Variants in ELMO3 observed in about 807,000 individuals in gnomAD.
ELMO3 encodes engulfment and cell motility protein 3.
In ELMO3, 81 loss-of-function variants were observed where a neutral mutation model predicts 89.0. The observed-to-expected ratio is 0.91, with a 90% CI of 0.76 to 1.09. ELMO3 has a LOEUF of 1.09. Among genes scored for constraint, ELMO3 ranks in the 50% least tolerant of loss-of-function variants. ELMO3 has a pLI of 0.00. For synonymous variants in ELMO3, 406 were observed against 400.6 expected (o/e 1.01, Z -0.16); for missense variants, 959 against 972.8 (o/e 0.99, Z 0.19).
intron 4 of ELMO3, 48 bp downstream of exon 4, chr16:67,200,049 A>G (rs1366440298): frequency 6.3e-7 from 1 of 1,594,118 alleles, no homozygotes; most frequent in Non-Finnish European, 8.5e-7. Context: ...CCTTTGCTCC[A>G]GGTCCAGAGG....
intron 8 of ELMO3, among the ~76,000 whole-genome samples, 168 bp from the exon 9 acceptor site, chr16:67,201,212 ATTTTT>A (rs753596419): frequency 1.1e-5 from 1 of 94,262 alleles, no homozygotes; most frequent in Non-Finnish European, 2.0e-5. Context: ...CGCCCAGCTG[ATTTTT>A]TTTTTTTTTT....
intron 3 of ELMO3, 82 bp downstream of exon 3, chr16:67,199,838 C>T (rs2033056946): frequency 6.2e-7 from 1 of 1,603,260 alleles, no homozygotes; most frequent in South Asian, 1.1e-5. Context: ...GCTCTTCATC[C>T]CACTACCGGA....
chr16:67,203,025 A>T lies in ELMO3; in HGVS notation c.1675+21A>T, dbSNP rs994071133. On this transcript the variant is annotated intron_variant, in intron 16 of 19. Coordinates refer to ENST00000393997, the MANE Select transcript of ELMO3 (RefSeq NM_024712.5). The surrounding 1 kb of genome is among the most constrained non-coding windows in gnomAD (Gnocchi z 4.6). ...CCAGGGTCTCTGAATGGGCATGGGCAGGGGGCAGAGGGCAGGCAGAGGGCA... is the reference window on the plus strand; with the variant it reads ...CCAGGGTCTCTGAATGGGCATGGGCTGGGGGCAGAGGGCAGGCAGAGGGCA... The T allele has an allele frequency of 3.7e-6, 6 of 1,603,312 alleles. No individual in the cohort carries two copies. The African/African-American group carries it at 8.0e-5, about 21-fold the overall frequency.
chr16:67,199,503 C>T, intron 1 of ELMO3, 50 bp from the exon 2 acceptor site: 1 of 1,566,062 alleles, frequency 6.4e-7, no homozygotes, highest in East Asian at 2.3e-5. Flanking sequence ...CCCCAGGCTC[C>T]TCCCCATCCC....
chr16:67,199,317 C>T lies in ELMO3; in HGVS notation c.-10C>T. ...CCGGAAAGTGCAGGCGCCCACGTCCCAGCTGGACCATGGCGCCTCCGCGGA... is the reference window on the plus strand; with the variant it reads ...CCGGAAAGTGCAGGCGCCCACGTCCTAGCTGGACCATGGCGCCTCCGCGGA... On this transcript the variant is annotated 5_prime_UTR_variant, in exon 1 of 20. Coordinates refer to ENST00000393997, the MANE Select transcript of ELMO3 (RefSeq NM_024712.5). 1 of 1,612,344 alleles carries T rather than the reference C, an allele frequency of 6.2e-7. No homozygotes were observed. The highest frequency in any genetic ancestry group is 8.5e-7 in the Non-Finnish European group (1 of 1,179,854).
Position 67,200,540 on chromosome 16 carries a change from TTG to T in ELMO3, c.506_507del (p.Val169GlufsTer46). ...TCCTGGGAGACTCTGAGCATCCCCTTTGTGAGGAAGGTGGGTGGGCTTTCCTA... is the reference window on the plus strand; with the variant it reads ...TCCTGGGAGACTCTGAGCATCCCCTTTGAGGAAGGTGGGTGGGCTTTCCTA... On this transcript the variant is annotated frameshift_variant, in exon 6 of 20. Coordinates refer to ENST00000393997, the MANE Select transcript of ELMO3 (RefSeq NM_024712.5). LOFTEE classifies it high-confidence loss of function. 1 of 1,613,246 alleles carries T rather than the reference TTG, an allele frequency of 6.2e-7. No homozygotes were observed. Among genetic ancestry groups the T allele is most frequent in the South Asian group, 1.1e-5 (1 of 91,050 alleles).
Position 67,200,948 on chromosome 16 carries a change from G to T in ELMO3, c.724G>T (p.Ala242Ser). Residue 242 changes from alanine (A) to serine (S), a missense_variant, in exon 8 of 20, where the codon GCC (alanine) becomes TCC (serine). Transcript: ENST00000393997. ...CCTGCTGACAGCCTTGCTGCAGGGG[G>T]CCAGCCCTGTGGAACGCAAGGTGAG... ...MALLTALLQG[A>S]SPVERKHMLD... 6.2e-7 allele frequency: 1 copy of T among 1,609,302 alleles called. No individual in the cohort carries two copies. Among genetic ancestry groups the T allele is most frequent in the Non-Finnish European group, 8.5e-7 (1 of 1,178,732 alleles).
rs367920873 is a variant in ELMO3, at chr16:67,202,006, C to G, written c.1080C>G (p.Arg360=). 1 of 1,588,322 alleles carries G rather than the reference C, an allele frequency of 6.3e-7. No individual in the cohort carries two copies. ...GCAACCCAGCACAGGACCTGGAGCG[C>G]GTGCCCCCCGGTCTGCTGGCCCTGG... The part of the protein sequence containing the change: ...SNSNPAQDLE[R]VPPGLLALDN... Residue 360 remains arginine (R), a synonymous_variant, in exon 12 of 20, where the codon CGC becomes CGG. Coordinates refer to ENST00000393997, the MANE Select transcript of ELMO3 (RefSeq NM_024712.5).
rs760025178 is a variant in ELMO3 at position 67,201,662 on chromosome 16, A to G, written c.918+20A>G. On this transcript the variant is annotated intron_variant, in intron 10 of 19. Transcript: ENST00000393997. ...AGCCAGGTGTGTGTCTTTGGTGAGG[A>G]CAAGGCAGGGGGTGGCTTAGAGCTT... is the stretch of plus-strand genomic sequence containing the variant. The G allele has an allele frequency of 5.6e-6, 9 of 1,610,552 alleles. No individual in the cohort carries two copies. The African/African-American group carries it at 9.3e-5, about 17-fold the overall frequency.
At position 67,199,725 on chromosome 16, in the gene ELMO3, C is replaced by A. The variant is rs762228993; in HGVS notation, c.161C>A (p.Ala54Glu). 1 of 1,611,022 alleles carries A rather than the reference C, an allele frequency of 6.2e-7. No homozygotes were observed. Among genetic ancestry groups the A allele is most frequent in the South Asian group, 1.1e-5 (1 of 90,938 alleles). ...TCTGAGCGTTACGCCCTGCAGTTTG[C>A]GGATGGGCACCGGAGATACATCACC... ...THSERYALQFADGHRRYITEN... is the reference protein window; with the variant it reads ...THSERYALQFEDGHRRYITEN... Residue 54 changes from alanine to glutamate, a missense_variant, in exon 3 of 20, where the codon GCG (alanine) becomes GAG (glutamate). Transcript: ENST00000393997.
In ELMO3 at chr16:67,202,695, C is replaced by T; in HGVS notation, c.1467C>T (p.Phe489=). ...TGAAGCCCACTTCCCTGGAGCTCTT[C>T]CGAACCAAGGTGAATGCGCTCACTT... ...LALKPTSLEL[F]RTKVNALTYG... The change falls in exon 15 of 20, where the codon TTC becomes TTT. Residue 489 remains phenylalanine, a synonymous_variant. Coordinates refer to ENST00000393997, the MANE Select transcript of ELMO3 (RefSeq NM_024712.5). 1 of 1,613,782 alleles carries T rather than the reference C, an allele frequency of 6.2e-7. No homozygotes were observed. Among genetic ancestry groups the T allele is most frequent in the South Asian group, 1.1e-5 (1 of 91,088 alleles).
Position 67,203,139 on chromosome 16 carries a change from C to T in ELMO3, c.1696C>T (p.Leu566=). 3 of 1,611,878 alleles carry T rather than the reference C, an allele frequency of 1.9e-6. No homozygotes were observed. The highest frequency in any genetic ancestry group is 2.5e-6 in the Non-Finnish European group (3 of 1,179,530). Residue 566 remains leucine (L), a synonymous_variant, in exon 17 of 20, where the codon CTG becomes TTG. Coordinates refer to ENST00000393997, the MANE Select transcript of ELMO3 (RefSeq NM_024712.5). This position sits in a 1 kb window ranked among gnomAD's most constrained non-coding sequence, Gnocchi z 4.6. ...CGCAGATAAGCTGTGGTTCTGCTGC[C>T]TGTCCCCCAACCACAAGCTGCTGCA... The part of the protein sequence containing the change: ...RRQDKLWFCC[L]SPNHKLLQYG...
Position 67,201,500 on chromosome 16 carries a change from A to G in ELMO3, c.796-20A>G, listed in dbSNP as rs775535583. On this transcript the variant is annotated intron_variant, in intron 9 of 19. Coordinates refer to ENST00000393997, the MANE Select transcript of ELMO3 (RefSeq NM_024712.5). The stretch of plus-strand genomic sequence containing the variant: ...CTCCCCGTGAGCCCTCGCTTACACC[A>G]GGGACTGGCTGTCCTGCAGAACATC... 6.2e-7 allele frequency: 1 copy of G among 1,613,996 alleles called. No homozygotes were observed. Among genetic ancestry groups the G allele is most frequent in the East Asian group, 2.2e-5 (1 of 44,864 alleles).
Position 67,202,921 on chromosome 16 carries a change from T to TCATGGGCCTGATCCGCCAGCAGCG in ELMO3, c.1594_1617dup (p.Met532_Arg539dup). 3.1e-6 allele frequency: 5 copies of TCATGGGCCTGATCCGCCAGCAGCG among 1,611,592 alleles called. No homozygotes were observed. The highest frequency in any genetic ancestry group is 8.5e-7 in the Non-Finnish European group (1 of 1,179,884). ...CTGCGGGAGAAGCTGAAGCCAGAGC[T>TCATGGGCCTGATCCGCCAGCAGCG]CATGGGCCTGATCCGCCAGCAGCGC... On this transcript the variant is annotated inframe_insertion, in exon 16 of 20. Coordinates refer to ENST00000393997, the MANE Select transcript of ELMO3 (RefSeq NM_024712.5).
At position 67,199,732 on chromosome 16, in the gene ELMO3, G is replaced by T. The variant is rs756549740; in HGVS notation, c.168G>T (p.Gly56=). The change falls in exon 3 of 20, where the codon GGG becomes GGT. Residue 56 remains glycine (G), a synonymous_variant. Coordinates refer to ENST00000393997, the MANE Select transcript of ELMO3 (RefSeq NM_024712.5). ...SERYALQFAD[G]HRRYITENNR... ...GTTACGCCCTGCAGTTTGCGGATGG[G>T]CACCGGAGATACATCACCGAGAATG... 19 of 1,611,118 alleles carry T rather than the reference G, an allele frequency of 1.2e-5. No individual in the cohort carries two copies. Among genetic ancestry groups the T allele is most frequent in the Admixed American group, 3.3e-5 (2 of 59,930 alleles).
rs1274551450 is a variant in ELMO3 at position 67,199,294 on chromosome 16, G to A, written c.-33G>A. Reference sequence around the variant, plus strand: ...CCTTGGCCGCAGGTGCACGGTCTCCGGAAAGTGCAGGCGCCCACGTCCCAG... The same window carrying A: ...CCTTGGCCGCAGGTGCACGGTCTCCAGAAAGTGCAGGCGCCCACGTCCCAG... On this transcript the variant is annotated 5_prime_UTR_variant, in exon 1 of 20. Transcript: ENST00000393997. The A allele has an allele frequency of 2.5e-6, 4 of 1,612,442 alleles. No individual in the cohort carries two copies. In the South Asian group the frequency reaches 3.3e-5, roughly 13 times the overall value.
chr16:67,200,827 G>T lies in ELMO3; in HGVS notation c.665+19G>T, dbSNP rs1481959769. ...TACAGGTGTAAGCCTCTGGGGCTGG[G>T]GTCCAGATGCAGGGAGCAGGGCTGG... On this transcript the variant is annotated intron_variant, in intron 7 of 19. Transcript: ENST00000393997. The T allele has an allele frequency of 6.2e-7, 1 of 1,613,292 alleles. No individual in the cohort carries two copies. The highest frequency in any genetic ancestry group is 2.2e-5 in the East Asian group (1 of 44,860).
At position 67,199,806 on chromosome 16, in the gene ELMO3, C is replaced by A. The variant is rs1210921045; in HGVS notation, c.192+50C>A. The stretch of plus-strand genomic sequence containing the variant: ...AGCTCGGCCTTCCGACCCCTCTAAC[C>A]CACCTGGCCCCGATAACTCTGGCTC... On this transcript the variant is annotated intron_variant, in intron 3 of 19. Coordinates refer to ENST00000393997, the MANE Select transcript of ELMO3 (RefSeq NM_024712.5). The A allele has an allele frequency of 5.6e-6, 9 of 1,604,104 alleles. No homozygotes were observed. The East Asian group carries it at 1.8e-4, about 32-fold the overall frequency.
Position 67,201,857 on chromosome 16 carries a change from G to A in ELMO3, c.1034G>A (p.Arg345His), listed in dbSNP as rs766535773. The change falls in exon 11 of 20, where the codon CGC (arginine) becomes CAC (histidine). Residue 345 changes from arginine to histidine, a missense_variant. By Grantham distance (29) the Arg-to-His change is conservative (BLOSUM62 0). Coordinates refer to ENST00000393997, the MANE Select transcript of ELMO3 (RefSeq NM_024712.5). ...RRRSLCAREF[R>H]KLGFSNSNPA... ...CGTTCCCTCTGTGCCCGAGAGTTCC[G>A]CAAACTGGGCTTTTCTGTGAGTATC... The A allele has an allele frequency of 1.3e-5, 21 of 1,608,122 alleles. No individual in the cohort carries two copies. In the East Asian group the frequency reaches 2.0e-4, roughly 15 times the overall value.
Sources: gnomAD v4.1 joint callset for allele counts (sites outside exome capture counted in the v4.1 genomes callset) on GRCh38, gnomAD v4.1.1 for gene constraint, Gnocchi (gnomAD v3.1) non-coding constraint, MANE v1.5 for transcripts, NCBI Gene and HGNC (gene_info 2026-07-23, HGNC 2026-07-21) for gene names.